The following SPPL3 variants were observed in gnomAD, a reference collection of about 807,000 sequenced individuals.
The protein encoded by SPPL3 is signal peptide peptidase-like 3.
A neutral mutation model predicts 42.4 loss-of-function variants in SPPL3; 5 were observed. The observed-to-expected ratio is 0.12, with a 90% CI of 0.06 to 0.25. The LOEUF is 0.25. SPPL3 is among the 10% of genes least tolerant of loss of function. SPPL3 has a pLI of 1.00. For synonymous variants in SPPL3, 195 were observed against 181.8 expected, an observed-to-expected ratio of 1.07 and a Z score of -0.58; for missense variants, 235 against 489.0, an observed-to-expected ratio of 0.48 and a Z score of 4.90.
intron 1 of SPPL3, among the ~76,000 whole-genome samples, chr12:120,818,660 T>TA: frequency 6.6e-6 from 1 of 152,320 alleles, no homozygotes; most frequent in East Asian, 1.9e-4. Context: ...ACCAAGCAAC[T>TA]ACTATTCTAA....
chr12:120,773,338 TGA>T (rs1355833692), intron 6 of SPPL3, among the ~76,000 whole-genome samples: 2 of 152,150 alleles, frequency 1.3e-5, no homozygotes, highest in African/African-American at 2.4e-5. Flanking sequence ...AGAGCACAGG[TGA>T]GACACAGGTT....
intron 2 of SPPL3, among the ~76,000 whole-genome samples, chr12:120,794,676 G>C (rs1412063378): frequency 6.6e-6 from 1 of 152,150 alleles, no homozygotes; most frequent in East Asian, 1.9e-4. Context: ...GATTAGAGGC[G>C]TGAGACACTG....
At chr12:120,782,199 C>CA (rs1196128934) in intron 6 of SPPL3, among the ~76,000 whole-genome samples, 2 of 152,102 alleles carry the variant, frequency 1.3e-5, no homozygotes, top group African/African-American at 4.8e-5. Flanking sequence ...ATAGTCTGCA[C>CA]AAAAACTTGT....
intron 3 of SPPL3, among the ~76,000 whole-genome samples, chr12:120,787,056 A>G (rs1869745454): frequency 6.6e-6 from 1 of 152,218 alleles, no homozygotes; most frequent in African/African-American, 2.4e-5. Context: ...TATGGAATAG[A>G]CACTGAGCAA....
intron 8 of SPPL3, 99 bp downstream of exon 8, chr12:120,768,226 G>C: frequency 7.1e-7 from 1 of 1,416,990 alleles, no homozygotes; most frequent in South Asian, 1.5e-5. Flanking sequence ...AATGGCCCCA[G>C]GTTGGGATCA....
intron 1 of SPPL3, among the ~76,000 whole-genome samples, chr12:120,817,924 G>A (rs1475497315): frequency 6.6e-6 from 1 of 152,172 alleles, no homozygotes; most frequent in Non-Finnish European, 1.5e-5. Context: ...AGGAGCTGGG[G>A]TTTGGGGATC....
Position 120,781,555 on chromosome 12 carries a change from G to GTTTTTTTTTT in SPPL3, c.502+1090_502+1099dup, listed in dbSNP as rs527339173. Among the ~76,000 whole-genome samples the GTTTTTTTTTT allele has an allele frequency of 4.8e-5, 3 of 62,994 alleles. 1 individual carries two copies. Among genetic ancestry groups the GTTTTTTTTTT allele is most frequent in the African/African-American group, 2.1e-4 (3 of 14,614 alleles). The allele number at this position is 62,994 out of a possible 152,430, so 41.3% of individuals were successfully genotyped here. ...TCTAATCCCATCTCCTTATTGTTAC[G>GTTTTTTTTTT]TTTTTTTTTTTTTTTTTTTTTTTTT... On this transcript the variant is annotated intron_variant, in intron 6 of 10. Transcript: ENST00000353487.
intron 3 of SPPL3, among the ~76,000 whole-genome samples, chr12:120,786,937 G>A (rs957823316): frequency 6.6e-6 from 1 of 151,998 alleles, no homozygotes; most frequent in African/African-American, 2.4e-5. Flanking sequence ...TTATCTTTAA[G>A]GCAAAAATCA....
intron 8 of SPPL3, 38 bp downstream of exon 8, chr12:120,768,287 G>A (rs769625937): frequency 8.2e-6 from 13 of 1,586,322 alleles, no homozygotes; most frequent in Non-Finnish European, 1.1e-5. Context: ...GATAGGCACA[G>A]GAAGACAGTG....
At chr12:120,856,556 A>C (rs1872466070) in intron 1 of SPPL3, among the ~76,000 whole-genome samples, 1 of 149,852 alleles carries the variant, frequency 6.7e-6, no homozygotes, top group Non-Finnish European at 1.5e-5. Flanking sequence ...GTCTCAAAAA[A>C]CGAAAATAAA....
At chr12:120,867,647 C>A (rs1185359881) in intron 1 of SPPL3, among the ~76,000 whole-genome samples, 1 of 61,142 alleles carries the variant, frequency 1.6e-5, no homozygotes, top group East Asian at 6.9e-4. Context: ...GAGCGAGACT[C>A]TGTCTTAAAA....
chr12:120,782,241 T>C (rs1302616984), intron 6 of SPPL3, among the ~76,000 whole-genome samples: 1 of 152,218 alleles, frequency 6.6e-6, no homozygotes, highest in African/African-American at 2.4e-5. Context: ...TCATTCATAA[T>C]AGCCTAAAAA....
intron 10 of SPPL3, among the ~76,000 whole-genome samples, 170 bp downstream of exon 10, chr12:120,766,089 AGCGC>A (rs762176472): frequency 4.9e-5 from 7 of 142,670 alleles, no homozygotes; most frequent in African/African-American, 1.6e-4. Flanking sequence ...ACGCCAGGGT[AGCGC>A]GCGCGCGCAC....
intron 1 of SPPL3, chr12:120,845,251 T>G (rs1224511917): frequency 7.8e-6 from 3 of 382,754 alleles, no homozygotes; most frequent in Non-Finnish European, 1.6e-5. Flanking sequence ...CCCTGCTGCA[T>G]TCACGGCATT....
At chr12:120,894,989 TC>T (rs1386300235) in intron 1 of SPPL3, among the ~76,000 whole-genome samples, 1 of 151,938 alleles carries the variant, frequency 6.6e-6, no homozygotes, top group African/African-American at 2.4e-5. Flanking sequence ...TAACAGCTCC[TC>T]CTCAGGCATT....
intron 1 of SPPL3, among the ~76,000 whole-genome samples, chr12:120,876,613 T>A (rs1947987117): frequency 3.2e-5 from 1 of 31,320 alleles, no homozygotes; most frequent in African/African-American, 1.7e-4. Context: ...CGAGACTCTG[T>A]CTCAAAAAAA....
chr12:120,852,740 A>G (rs1235699418), intron 1 of SPPL3, among the ~76,000 whole-genome samples: 1 of 16,972 alleles, frequency 5.9e-5, no homozygotes, highest in African/African-American at 7.1e-5. Context: ...TATACATATA[A>G]TATATTTCAT....
At chr12:120,887,661 C>G (rs1873505911) in intron 1 of SPPL3, among the ~76,000 whole-genome samples, 2 of 152,150 alleles carry the variant, frequency 1.3e-5, no homozygotes, top group African/African-American at 4.8e-5. Flanking sequence ...AATTTTTGTT[C>G]TTGACACAAG....
chr12:120,890,609 A>T (rs1053896577), intron 1 of SPPL3, among the ~76,000 whole-genome samples: 1 of 140,416 alleles, frequency 7.1e-6, no homozygotes, highest in Admixed American at 7.0e-5. Flanking sequence ...AAAAAAAAAA[A>T]ATCAAATCCA....
Sources: allele counts gnomAD v4.1 joint callset (sites outside exome capture counted in the v4.1 genomes callset), GRCh38; gene constraint gnomAD v4.1.1; transcripts MANE v1.5; gene names NCBI Gene and HGNC (gene_info 2026-07-23, HGNC 2026-07-21).